FER: variants seen among roughly 807,000 people sequenced by gnomAD.
The protein encoded by FER is tyrosine-protein kinase Fer.
In FER, 63 loss-of-function variants were observed where a neutral mutation model predicts 111.0. The ratio of observed to expected loss-of-function variants is 0.57; its 90% CI spans 0.46 to 0.70. The LOEUF is 0.70. Ranked by LOEUF, FER falls within the 30% of genes least tolerant of loss-of-function variation. The pLI, the probability that FER is intolerant of heterozygous loss-of-function variation, is 0.00. For synonymous variants in FER, 327 were observed against 313.9 expected, an observed-to-expected ratio of 1.04 and a Z score of -0.44; for missense variants, 914 against 954.0, an observed-to-expected ratio of 0.96 and a Z score of 0.55.
chr5:109,036,957 G>A (rs564309133), intron 13 of FER, among the ~76,000 whole-genome samples: 1 of 152,036 alleles, frequency 6.6e-6, no homozygotes. Context: ...GTCATAGACA[G>A]CTATAACTCA....
At chr5:108,768,806 A>G (rs1273928065) in intron 2 of FER, among the ~76,000 whole-genome samples, 2 of 151,640 alleles carry the variant, frequency 1.3e-5, no homozygotes, top group Non-Finnish European at 2.9e-5. Context: ...AAATTGACAA[A>G]ACAATTATGA....
intron 19 of FER, 33 bp from the exon 20 acceptor site, chr5:109,187,400 C>A: frequency 6.2e-7 from 1 of 1,604,446 alleles, no homozygotes; most frequent in Non-Finnish European, 8.5e-7. Flanking sequence ...TACCTCCATT[C>A]TAAATTCTGT....
chr5:108,859,164 C>T (rs2150209412), intron 5 of FER, among the ~76,000 whole-genome samples: 1 of 152,254 alleles, frequency 6.6e-6, no homozygotes, highest in South Asian at 2.1e-4. Context: ...GAGTGTTTCT[C>T]AATTTGGTAG....
In FER at chr5:109,043,690, A is replaced by G. The variant is rs186696655; in HGVS notation, c.1714-990A>G. On this transcript the variant is annotated intron_variant, in intron 14 of 19. Coordinates refer to ENST00000281092, the MANE Select transcript of FER (RefSeq NM_005246.4). ...AAAGTTTATTATAAAATGTTTGCAT[A>G]TGCCAGGTGTGGTGGCTCACACCTA... Among the ~76,000 whole-genome samples, 139 of 152,238 alleles carry G rather than the reference A, an allele frequency of 9.1e-4. 1 individual carries two copies. Among genetic ancestry groups the G allele is most frequent in the African/African-American group, 2.9e-3 (122 of 41,556 alleles).
chr5:109,052,008 C>T, intron 16 of FER: 1 of 1,584,604 alleles, frequency 6.3e-7, no homozygotes, highest in Non-Finnish European at 8.7e-7. Context: ...TTCGCAGCAA[C>T]CCCCCTTGCA....
At chr5:109,048,839 C>CT (rs11412148) in intron 16 of FER, among the ~76,000 whole-genome samples, 147,850 of 150,512 alleles carry the variant, frequency 0.98, 72,621 homozygotes, top group East Asian at 1. Flanking sequence ...TCAGATCTTG[C>CT]TTTTTTTTTC....
intron 13 of FER, among the ~76,000 whole-genome samples, chr5:109,008,789 G>A (rs918462140): frequency 6.6e-6 from 1 of 151,986 alleles, no homozygotes; most frequent in Non-Finnish European, 1.5e-5. Flanking sequence ...TGACCAACAT[G>A]GAGAAACCCT....
In FER at chr5:108,917,640, G is replaced by A. The variant is rs574593874; in HGVS notation, c.1236+19792G>A. On this transcript the variant is annotated intron_variant, in intron 10 of 19. Transcript: ENST00000281092. Reference sequence around the variant, plus strand: ...CTTGGGATTATAACTAAAAACCAAAGAACACAAGGGAAGCTTCTTGTTTGC... The same window carrying A: ...CTTGGGATTATAACTAAAAACCAAAAAACACAAGGGAAGCTTCTTGTTTGC... Among the ~76,000 whole-genome samples the A allele has an allele frequency of 3.9e-5, 6 of 152,270 alleles. No homozygotes were observed. In the East Asian group the frequency reaches 1.2e-3, roughly 29 times the overall value.
chr5:108,846,395 C>T (rs1465677409), intron 5 of FER, among the ~76,000 whole-genome samples: 1 of 151,556 alleles, frequency 6.6e-6, no homozygotes, highest in Non-Finnish European at 1.5e-5. Context: ...CATTGTACTC[C>T]AGACTGGGTG....
chr5:109,186,669 T>C (rs547464626), intron 19 of FER, among the ~76,000 whole-genome samples: 3 of 152,308 alleles, frequency 2.0e-5, no homozygotes, highest in East Asian at 1.9e-4. Context: ...ATATTCCCAA[T>C]TGAAATGCAG....
At chr5:109,185,224 C>T (rs1758727551) in intron 18 of FER, among the ~76,000 whole-genome samples, 1 of 152,106 alleles carries the variant, frequency 6.6e-6, no homozygotes. Context: ...GAGCTTAGCT[C>T]ATGTAGCTCA....
chr5:109,134,190 A>G (rs17534985), intron 17 of FER, among the ~76,000 whole-genome samples: 9,380 of 152,046 alleles, frequency 0.062, 417 homozygotes, highest in Non-Finnish European at 0.09. Flanking sequence ...TTGTGTTGGT[A>G]TAATAAAAGC....
chr5:108,892,329 T>A (rs1748235553), intron 9 of FER, among the ~76,000 whole-genome samples: 1 of 152,194 alleles, frequency 6.6e-6, no homozygotes, highest in Non-Finnish European at 1.5e-5. Flanking sequence ...CAGCACCTGT[T>A]GTTTCCTGAC....
chr5:108,874,406 T>C (rs936974344), intron 8 of FER, among the ~76,000 whole-genome samples: 1 of 152,290 alleles, frequency 6.6e-6, no homozygotes, highest in East Asian at 1.9e-4. Context: ...TTTTAATTGC[T>C]CACATTTTAC....
intron 8 of FER, among the ~76,000 whole-genome samples, chr5:108,875,980 T>G (rs771222192): frequency 1.1e-4 from 17 of 152,206 alleles, no homozygotes; most frequent in Non-Finnish European, 2.1e-4. Context: ...GTCTCAGGCC[T>G]TATGATTTCA....
intron 13 of FER, among the ~76,000 whole-genome samples, chr5:109,011,362 T>C (rs1487428750): frequency 6.6e-6 from 1 of 152,150 alleles, no homozygotes; most frequent in African/African-American, 2.4e-5. Flanking sequence ...AGAGGAGAAA[T>C]GTAATTTTAG....
At chr5:108,786,732 C>G (rs1055358189) in intron 2 of FER, among the ~76,000 whole-genome samples, 1 of 152,120 alleles carries the variant, frequency 6.6e-6, no homozygotes, top group Non-Finnish European at 1.5e-5. Flanking sequence ...GATCTCCTAA[C>G]CTCGTGATCC....
At chr5:109,080,718 A>G (rs1047026444) in intron 16 of FER, among the ~76,000 whole-genome samples, 1 of 152,140 alleles carries the variant, frequency 6.6e-6, no homozygotes, top group African/African-American at 2.4e-5. Flanking sequence ...AGCAAGGAAA[A>G]AGATTGTACA....
At chr5:108,973,962 G>A (rs1187469236) in intron 13 of FER, among the ~76,000 whole-genome samples, 1 of 152,116 alleles carries the variant, frequency 6.6e-6, no homozygotes, top group Non-Finnish European at 1.5e-5. Flanking sequence ...AGTTTGAAAA[G>A]ACTTCTTCAC....
Sources: allele counts gnomAD v4.1 joint callset (sites outside exome capture counted in the v4.1 genomes callset), GRCh38; gene constraint gnomAD v4.1.1; transcripts MANE v1.5; gene names NCBI Gene and HGNC (gene_info 2026-07-23, HGNC 2026-07-21).